CHCHD6: variants seen among roughly 807,000 people sequenced by gnomAD.
CHCHD6 encodes the protein coiled-coil-helix-coiled-coil-helix domain containing 6.
CHCHD6 carries 28 observed loss-of-function variants against 32.3 expected under a neutral mutation model. That is an observed-to-expected ratio of 0.87 (90% CI 0.64 to 1.19). CHCHD6 has a LOEUF of 1.19. CHCHD6 is among the 50% of genes most tolerant of loss of function. The pLI is 0.00. For missense variants in CHCHD6, 333 were observed against 307.0 expected (o/e 1.08, Z -0.63); for synonymous variants, 122 against 117.5 (o/e 1.04, Z -0.25).
At chr3:126,705,484 G>GGCA (rs1347455577) in intron 1 of CHCHD6, among the ~76,000 whole-genome samples, 1 of 152,210 alleles carries the variant, frequency 6.6e-6, no homozygotes, top group Non-Finnish European at 1.5e-5. Context: ...GGAGAAGTGA[G>GGCA]GCACTGAGAG....
At chr3:126,915,443 T>A (rs1033884369) in intron 6 of CHCHD6, among the ~76,000 whole-genome samples, 9 of 152,216 alleles carry the variant, frequency 5.9e-5, no homozygotes, top group Non-Finnish European at 1.3e-4. Flanking sequence ...AAAGTGATTC[T>A]TGTGGGAAGG....
At chr3:126,863,662 T>TCCA (rs1942071596) in intron 5 of CHCHD6, among the ~76,000 whole-genome samples, 1 of 114,646 alleles carries the variant, frequency 8.7e-6, no homozygotes, top group Non-Finnish European at 1.8e-5. Context: ...CTCCCCCTCC[T>TCCA]CCACCATCAC....
intron 5 of CHCHD6, among the ~76,000 whole-genome samples, chr3:126,892,596 C>T (rs1233633623): frequency 6.6e-6 from 1 of 152,220 alleles, no homozygotes; most frequent in Non-Finnish European, 1.5e-5. Flanking sequence ...CCCTAGCCCA[C>T]GTCCAGCTTT....
At chr3:126,879,663 G>A (rs2077583339) in intron 5 of CHCHD6, among the ~76,000 whole-genome samples, 1 of 152,192 alleles carries the variant, frequency 6.6e-6, no homozygotes, top group South Asian at 2.1e-4. Context: ...GAATGGGAGA[G>A]CAGCATCATT....
At chr3:126,826,206 G>A (rs1940384894) in intron 4 of CHCHD6, among the ~76,000 whole-genome samples, 1 of 152,160 alleles carries the variant, frequency 6.6e-6, no homozygotes, top group African/African-American at 2.4e-5. Flanking sequence ...ATTTTCTCTT[G>A]CATGGACATA....
Position 126,935,585 on chromosome 3 carries a change from C to T in CHCHD6, c.566+20835C>T, listed in dbSNP as rs142623292. On this transcript the variant is annotated intron_variant, in intron 6 of 7. Transcript: ENST00000290913. Reference sequence around the variant, plus strand: ...TTTGTTACTATGCAGATTCCTGCTACATCAGCTCAAAACCGTGTGCGGCTT... The same window carrying T: ...TTTGTTACTATGCAGATTCCTGCTATATCAGCTCAAAACCGTGTGCGGCTT... Among the ~76,000 whole-genome samples, 53 of 152,344 alleles carry T rather than the reference C, an allele frequency of 3.5e-4. No individual in the cohort carries two copies. The East Asian group carries it at 8.9e-3, about 25-fold the overall frequency.
At chr3:126,801,964 G>A in intron 4 of CHCHD6, among the ~76,000 whole-genome samples, 1 of 152,212 alleles carries the variant, frequency 6.6e-6, no homozygotes, top group Admixed American at 6.5e-5. Flanking sequence ...GGTCTGGAGT[G>A]GACCTCTAGC....
At chr3:126,831,641 T>G (rs1324523639) in intron 4 of CHCHD6, among the ~76,000 whole-genome samples, 1 of 152,120 alleles carries the variant, frequency 6.6e-6, no homozygotes, top group East Asian at 1.9e-4. Context: ...GTGTTTACGG[T>G]TGGACTCAGA....
chr3:126,857,522 C>G (rs41420544), intron 5 of CHCHD6, among the ~76,000 whole-genome samples: 1 of 151,958 alleles, frequency 6.6e-6, no homozygotes, highest in South Asian at 2.1e-4. Context: ...CATCTGATCC[C>G]GAGAGCCCTG....
chr3:126,801,738 T>C lies in CHCHD6; in HGVS notation c.412-50909T>C, dbSNP rs530653983. On this transcript the variant is annotated intron_variant, in intron 4 of 7. Transcript: ENST00000290913. ...TTCTCCCAGCACGCAGCTGGAGATC[T>C]GAGAACGGGCAGACTGCCTCCTCAA... Among the ~76,000 whole-genome samples, 15 of 152,346 alleles carry C rather than the reference T, an allele frequency of 9.8e-5. No individual in the cohort carries two copies. The East Asian group carries it at 2.7e-3, about 27-fold the overall frequency.
At chr3:126,895,883 TG>T (rs1171892856) in intron 5 of CHCHD6, among the ~76,000 whole-genome samples, 1 of 152,216 alleles carries the variant, frequency 6.6e-6, no homozygotes, top group Non-Finnish European at 1.5e-5. Context: ...GGGTCAGAGA[TG>T]GGACCTCTTG....
chr3:126,754,969 G>T (rs1011924552), intron 4 of CHCHD6, among the ~76,000 whole-genome samples: 1 of 152,186 alleles, frequency 6.6e-6, no homozygotes, highest in Non-Finnish European at 1.5e-5. Flanking sequence ...CCCATTGGGG[G>T]CAATGAGTTG....
intron 5 of CHCHD6, among the ~76,000 whole-genome samples, chr3:126,875,704 A>G (rs1351317984): frequency 6.6e-6 from 1 of 152,090 alleles, no homozygotes; most frequent in African/African-American, 2.4e-5. Context: ...CAGGGTTTAG[A>G]CTCTAACCCG....
chr3:126,713,811 A>G (rs901951680), intron 1 of CHCHD6, among the ~76,000 whole-genome samples: 1 of 152,180 alleles, frequency 6.6e-6, no homozygotes, highest in Admixed American at 6.5e-5. Flanking sequence ...GACTCCAGAA[A>G]CTTAATGATA....
intron 4 of CHCHD6, among the ~76,000 whole-genome samples, chr3:126,794,248 C>G (rs1938685063): frequency 6.6e-6 from 1 of 150,774 alleles, no homozygotes; most frequent in Non-Finnish European, 1.5e-5. Context: ...GTTTTCCCCC[C>G]ATATTTTTGT....
At chr3:126,923,380 A>C (rs974381826) in intron 6 of CHCHD6, among the ~76,000 whole-genome samples, 1 of 152,206 alleles carries the variant, frequency 6.6e-6, no homozygotes, top group African/African-American at 2.4e-5. Flanking sequence ...AGGTCAACCT[A>C]ATATCTTATA....
intron 6 of CHCHD6, among the ~76,000 whole-genome samples, chr3:126,929,389 G>A (rs779254420): frequency 1.2e-4 from 18 of 152,188 alleles, no homozygotes; most frequent in Admixed American, 9.2e-4. Context: ...GCTGGGCCCA[G>A]TAACTATTCA....
chr3:126,893,951 C>T (rs960843604), intron 5 of CHCHD6, among the ~76,000 whole-genome samples: 1 of 152,210 alleles, frequency 6.6e-6, no homozygotes, highest in Non-Finnish European at 1.5e-5. Context: ...TTGAGATGGC[C>T]CTGCCCTTGG....
intron 4 of CHCHD6, among the ~76,000 whole-genome samples, chr3:126,769,706 A>T (rs1937509885): frequency 6.6e-6 from 1 of 152,180 alleles, no homozygotes; most frequent in Admixed American, 6.5e-5. Context: ...GGGTTTTGCC[A>T]TGTTGGCCAG....
Sources: gnomAD v4.1 joint callset for allele counts (sites outside exome capture counted in the v4.1 genomes callset) on GRCh38, gnomAD v4.1.1 for gene constraint, MANE v1.5 for transcripts, NCBI Gene and HGNC (gene_info 2026-07-23, HGNC 2026-07-21) for gene names.